Variants in RTN4IP1 observed in about 807,000 individuals in gnomAD.
RTN4IP1 encodes the protein reticulon 4 interacting protein 1.
A neutral mutation model predicts 46.6 loss-of-function variants in RTN4IP1; 32 were observed. That is an observed-to-expected ratio of 0.69 (90% CI 0.52 to 0.92). The LOEUF (loss-of-function observed/expected upper bound fraction) is 0.92. Among genes scored for constraint, RTN4IP1 ranks in the 40% least tolerant of loss-of-function variants. The probability of loss-of-function intolerance (pLI) is 0.00; values close to 1 mark genes in which losing one functional copy is unlikely to be tolerated. For synonymous variants in RTN4IP1, 167 were observed against 161.8 expected, an observed-to-expected ratio of 1.03 and a Z score of -0.24; for missense variants, 424 against 485.8, an observed-to-expected ratio of 0.87 and a Z score of 1.20.
At chr6:106,621,212 C>T (rs1041522951) in intron 3 of RTN4IP1, among the ~76,000 whole-genome samples, 2 of 152,178 alleles carry the variant, frequency 1.3e-5, no homozygotes, top group Non-Finnish European at 2.9e-5. Flanking sequence ...CAAATCCCTG[C>T]TCTATGAGAG....
chr6:106,598,990 T>C (rs933750661), intron 5 of RTN4IP1, among the ~76,000 whole-genome samples: 2 of 152,030 alleles, frequency 1.3e-5, no homozygotes, highest in Admixed American at 6.5e-5. Flanking sequence ...GATTTTTTCA[T>C]TTAGTTTTAC....
intron 6 of RTN4IP1, among the ~76,000 whole-genome samples, chr6:106,589,045 G>A (rs572221353): frequency 6.7e-6 from 1 of 148,420 alleles, no homozygotes; most frequent in East Asian, 2.0e-4. Context: ...GGGAGGCAGA[G>A]GTTGTGGTGA....
At chr6:106,603,583 A>G (rs1277411947) in intron 4 of RTN4IP1, among the ~76,000 whole-genome samples, 1 of 152,162 alleles carries the variant, frequency 6.6e-6, no homozygotes, top group Non-Finnish European at 1.5e-5. Flanking sequence ...GGTGAGGGGT[A>G]GGGTAAGGGA....
At position 106,577,734 on chromosome 6, in the gene RTN4IP1, A is replaced by C. The variant is rs1333434808; in HGVS notation, c.1083+5594T>G. Among the ~76,000 whole-genome samples, 4 of 152,114 alleles carry C rather than the reference A, an allele frequency of 2.6e-5. No individual in the cohort carries two copies. In the East Asian group the frequency reaches 7.7e-4, roughly 29 times the overall value. Reference sequence around the variant, plus strand: ...TGGATTATCCAAGTGGGCCCAGTGTAATCTCAGGGTCCTTATAAGGGGAAG... The same window carrying C: ...TGGATTATCCAAGTGGGCCCAGTGTCATCTCAGGGTCCTTATAAGGGGAAG... On this transcript the variant is annotated intron_variant, in intron 8 of 8. Transcript: ENST00000369063.
upstream of RTN4IP1, chr6:106,629,560 C>T: frequency 8.2e-7 from 1 of 1,217,736 alleles, no homozygotes; most frequent in Non-Finnish European, 1.1e-6. Flanking sequence ...AATCCAAGTA[C>T]TCGGTGTTGA....
At chr6:106,585,623 T>TC (rs951602981) in intron 7 of RTN4IP1, among the ~76,000 whole-genome samples, 1 of 152,116 alleles carries the variant, frequency 6.6e-6, no homozygotes, top group African/African-American at 2.4e-5. Flanking sequence ...TCTGTGTTAT[T>TC]CCCCCCCTAC....
At chr6:106,607,953 T>C (rs1479372969) in intron 4 of RTN4IP1, 1 of 152,176 alleles carries the variant, frequency 6.6e-6, no homozygotes, top group African/African-American at 2.4e-5. Context: ...AAAACTATCG[T>C]AAGATCCAGC....
At chr6:106,606,940 C>T (rs1167076977) in intron 4 of RTN4IP1, among the ~76,000 whole-genome samples, 1 of 151,988 alleles carries the variant, frequency 6.6e-6, no homozygotes, top group Non-Finnish European at 1.5e-5. Context: ...CCTTGAATAA[C>T]CAAAACAATA....
rs1208994786 is a variant in RTN4IP1, at chr6:106,628,899, A to G, written c.123T>C (p.Thr41=). 2 of 1,614,090 alleles carry G rather than the reference A, an allele frequency of 1.2e-6. No homozygotes were observed. The highest frequency in any genetic ancestry group is 1.7e-6 in the Non-Finnish European group (2 of 1,179,962). Residue 41 remains threonine, a synonymous_variant, in exon 1 of 9, where the codon ACT becomes ACC. Coordinates refer to ENST00000369063, the MANE Select transcript of RTN4IP1 (RefSeq NM_032730.5). ...RRISTTSPRS[T]VMPAWVIDKY... ...TATCTATCACCCAAGCAGGCATGAC[A>G]GTGCTCCTAGGAGAGGTAGTACTAA...
At chr6:106,607,952 G>A (rs6914497) in intron 4 of RTN4IP1, 141,375 of 152,272 alleles carry the variant, frequency 0.93, 66,167 homozygotes, top group Non-Finnish European at 1. Context: ...TAAAACTATC[G>A]TAAGATCCAG....
At chr6:106,577,447 C>CAAA (rs58921891) in intron 8 of RTN4IP1, among the ~76,000 whole-genome samples, 1,051 of 54,760 alleles carry the variant, frequency 0.019, 117 homozygotes, top group Middle Eastern at 0.032. Context: ...GACCCTGTCT[C>CAAA]AAAAAAAAAA....
At chr6:106,579,291 T>C (rs533518969) in intron 8 of RTN4IP1, among the ~76,000 whole-genome samples, 2 of 151,346 alleles carry the variant, frequency 1.3e-5, no homozygotes, top group Admixed American at 1.3e-4. Flanking sequence ...AAAACAGGCC[T>C]CAGACTGAAT....
intron 1 of RTN4IP1, among the ~76,000 whole-genome samples, chr6:106,627,744 T>TTTC (rs1491360620): frequency 2.0e-5 from 1 of 51,158 alleles, no homozygotes; most frequent in African/African-American, 1.5e-4. Context: ...ATTTCAATGC[T>TTTC]TTTTTTTTTT....
Position 106,580,544 on chromosome 6 carries a change from C to T in RTN4IP1, c.1083+2784G>A, listed in dbSNP as rs192053190. Among the ~76,000 whole-genome samples the T allele has an allele frequency of 2.0e-5, 3 of 152,106 alleles. No homozygotes were observed. In the East Asian group the frequency reaches 5.8e-4, roughly 29 times the overall value. On this transcript the variant is annotated intron_variant, in intron 8 of 8. Coordinates refer to ENST00000369063, the MANE Select transcript of RTN4IP1 (RefSeq NM_032730.5). ...GACCAGTACAGCCAACAGGGCGAAA[C>T]CCCATCTCTACTAAAAATACAAAAA... is the stretch of plus-strand genomic sequence containing the variant.
intron 4 of RTN4IP1, among the ~76,000 whole-genome samples, chr6:106,610,413 T>A (rs1776196810): frequency 6.6e-6 from 1 of 152,174 alleles, no homozygotes; most frequent in Non-Finnish European, 1.5e-5. Context: ...TTCTAAAGTC[T>A]GAAGTCTTGT....
chr6:106,579,416 G>A lies in RTN4IP1; in HGVS notation c.1083+3912C>T, dbSNP rs140137783. On this transcript the variant is annotated intron_variant, in intron 8 of 8. Coordinates refer to ENST00000369063, the MANE Select transcript of RTN4IP1 (RefSeq NM_032730.5). ...AGATAGGATGAATATGGAGTCCTACGACTTGCAATAAGGCTTCGTGATGAC... is the reference window on the plus strand; with the variant it reads ...AGATAGGATGAATATGGAGTCCTACAACTTGCAATAAGGCTTCGTGATGAC... Among the ~76,000 whole-genome samples, 369 of 152,200 alleles carry A rather than the reference G, an allele frequency of 2.4e-3. 4 individuals are homozygous for A. Among genetic ancestry groups the A allele is most frequent in the African/African-American group, 8.5e-3 (353 of 41,526 alleles).
At chr6:106,595,601 A>G (rs1412568687) in intron 5 of RTN4IP1, among the ~76,000 whole-genome samples, 1 of 151,062 alleles carries the variant, frequency 6.6e-6, no homozygotes, top group Non-Finnish European at 1.5e-5. Flanking sequence ...AGGTTCAAGC[A>G]ATTCTCCTGC....
At chr6:106,596,268 A>G (rs1775789019) in intron 5 of RTN4IP1, among the ~76,000 whole-genome samples, 1 of 152,232 alleles carries the variant, frequency 6.6e-6, no homozygotes, top group African/African-American at 2.4e-5. Context: ...ACATACACAC[A>G]TACACAAAAT....
Position 106,602,898 on chromosome 6 carries a change from G to C in RTN4IP1, c.645C>G (p.Gly215=), listed in dbSNP as rs111435523. The part of the protein sequence containing the change: ...GKRVLILGAS[G]GVGTFAIQVM... ...CCTGTATAGCAAAAGTACCAACTCC[G>C]CCTGAAGCGCCTAAGATTAGAACAC... is the stretch of plus-strand genomic sequence containing the variant. Residue 215 remains glycine (G), a synonymous_variant, in exon 5 of 9, where the codon GGC becomes GGG. Transcript: ENST00000369063. 2.5e-6 allele frequency: 4 copies of C among 1,603,744 alleles called. No homozygotes were observed. The South Asian group carries it at 4.5e-5, about 18-fold the overall frequency.
Sources: allele counts gnomAD v4.1 joint callset (sites outside exome capture counted in the v4.1 genomes callset), GRCh38; gene constraint gnomAD v4.1.1; transcripts MANE v1.5; gene names NCBI Gene and HGNC (gene_info 2026-07-23, HGNC 2026-07-21).